ASIC2: variants seen among roughly 807,000 people sequenced by gnomAD.
ASIC2 encodes the protein acid sensing ion channel subunit 2, also known as acid-sensing ion channel 2.
ASIC2 carries 25 observed loss-of-function variants against 57.3 expected under a neutral mutation model. The observed-to-expected ratio is 0.44, with a 90% CI of 0.32 to 0.61. ASIC2 has a LOEUF of 0.61. Ranked by LOEUF, ASIC2 falls within the 20% of genes least tolerant of loss-of-function variation. The probability of loss-of-function intolerance (pLI) is 0.06; values close to 1 mark genes in which losing one functional copy is unlikely to be tolerated. For synonymous variants in ASIC2, 319 were observed against 307.5 expected, an observed-to-expected ratio of 1.04 and a Z score of -0.39; for missense variants, 641 against 738.1, an observed-to-expected ratio of 0.87 and a Z score of 1.52.
intron 1 of ASIC2, among the ~76,000 whole-genome samples, chr17:33,344,078 A>G (rs1173329956): frequency 6.6e-6 from 1 of 152,190 alleles, no homozygotes; most frequent in Non-Finnish European, 1.5e-5. Flanking sequence ...TTAGCACAAC[A>G]TGGCGTCAAA....
intron 1 of ASIC2, among the ~76,000 whole-genome samples, chr17:33,956,034 T>C (rs1353360161): frequency 1.3e-5 from 2 of 152,112 alleles, no homozygotes; most frequent in Non-Finnish European, 2.9e-5. Context: ...TAATATAATA[T>C]AATGAGTGAT....
intron 1 of ASIC2, among the ~76,000 whole-genome samples, chr17:33,164,685 C>T (rs1905258550): frequency 6.6e-6 from 1 of 152,186 alleles, no homozygotes; most frequent in Non-Finnish European, 1.5e-5. Flanking sequence ...CAGCTATGTC[C>T]TGTAATTGAG....
At chr17:34,078,955 A>T (rs1480650891) in intron 1 of ASIC2, 1 of 152,238 alleles carries the variant, frequency 6.6e-6, no homozygotes, top group East Asian at 1.9e-4. Flanking sequence ...CCAGAGCTGG[A>T]GAAGGCTGGA....
intron 1 of ASIC2, among the ~76,000 whole-genome samples, chr17:33,220,434 C>A (rs748740490): frequency 6.6e-6 from 1 of 152,168 alleles, no homozygotes; most frequent in Non-Finnish European, 1.5e-5. Flanking sequence ...TCCCCATTGA[C>A]GTGGTTTCCC....
intron 1 of ASIC2, among the ~76,000 whole-genome samples, chr17:33,599,690 CACAA>C (rs1905077071): frequency 6.6e-6 from 1 of 152,168 alleles, no homozygotes; most frequent in African/African-American, 2.4e-5. Flanking sequence ...TTCCCAGCAT[CACAA>C]ACAGAGCAGT....
At chr17:33,309,976 T>C (rs1906340825) in intron 1 of ASIC2, among the ~76,000 whole-genome samples, 1 of 149,080 alleles carries the variant, frequency 6.7e-6, no homozygotes, top group South Asian at 2.3e-4. Context: ...AGATGATGTA[T>C]TTATCAGTCA....
intron 1 of ASIC2, among the ~76,000 whole-genome samples, chr17:33,702,281 T>TA (rs1289759631): frequency 6.6e-6 from 1 of 152,164 alleles, no homozygotes; most frequent in African/African-American, 2.4e-5. Context: ...CAGTCGTAGT[T>TA]AGTTTCTTTC....
intron 1 of ASIC2, among the ~76,000 whole-genome samples, chr17:33,800,580 G>T (rs1425598848): frequency 1.3e-5 from 2 of 152,028 alleles, no homozygotes; most frequent in Non-Finnish European, 2.9e-5. Context: ...ATAATCAAGG[G>T]GTAGTTGTTA....
intron 1 of ASIC2, among the ~76,000 whole-genome samples, chr17:33,737,199 G>C (rs902523832): frequency 1.3e-5 from 2 of 152,212 alleles, no homozygotes; most frequent in African/African-American, 2.4e-5. Flanking sequence ...GTTTTTATGG[G>C]GTAGGTTACT....
intron 1 of ASIC2, among the ~76,000 whole-genome samples, chr17:33,868,187 GTGTGTGTA>G (rs199807278): frequency 1.5e-4 from 11 of 71,716 alleles, no homozygotes; most frequent in East Asian, 2.0e-3. Flanking sequence ...ATGTATGTGT[GTGTGTGTA>G]TGTGTGTGTG....
In ASIC2 at chr17:34,096,117, G is replaced by A. The variant is rs554879089; in HGVS notation, c.555+59861C>T. On this transcript the variant is annotated intron_variant, in intron 1 of 9. Coordinates refer to the ASIC2 transcript ENST00000359872. Reference sequence around the variant, plus strand: ...GACAAATATTTATCCAGTAATGATTGTGCCTCGGGCATAGTACCAGGCACT... The same window carrying A: ...GACAAATATTTATCCAGTAATGATTATGCCTCGGGCATAGTACCAGGCACT... 2.3e-3 allele frequency among the ~76,000 whole-genome samples: 344 copies of A among 152,254 alleles called. 2 individuals are homozygous for A. Among genetic ancestry groups the A allele is most frequent in the African/African-American group, 7.8e-3 (326 of 41,544 alleles).
At chr17:33,665,626 G>A (rs1233521514) in intron 1 of ASIC2, among the ~76,000 whole-genome samples, 2 of 152,226 alleles carry the variant, frequency 1.3e-5, no homozygotes, top group African/African-American at 4.8e-5. Context: ...TGTTGCTTAA[G>A]TGTGCTCTCA....
At chr17:33,918,832 C>T (rs985219768) in intron 1 of ASIC2, among the ~76,000 whole-genome samples, 4 of 152,184 alleles carry the variant, frequency 2.6e-5, no homozygotes, top group Admixed American at 6.5e-5. Flanking sequence ...CATGTAAACT[C>T]TCAATGCTAC....
At chr17:33,079,605 T>A (rs1050231175) in intron 3 of ASIC2, among the ~76,000 whole-genome samples, 1 of 151,758 alleles carries the variant, frequency 6.6e-6, no homozygotes, top group African/African-American at 2.4e-5. Context: ...TTGCAGAGAA[T>A]GGGTTGGGGA....
chr17:33,736,322 C>T (rs1909910029), intron 1 of ASIC2, among the ~76,000 whole-genome samples: 1 of 151,918 alleles, frequency 6.6e-6, no homozygotes, highest in Non-Finnish European at 1.5e-5. Context: ...AAAAGCTCAG[C>T]CTGCTAATAA....
At chr17:33,631,267 A>T (rs183627308) in intron 1 of ASIC2, among the ~76,000 whole-genome samples, 1 of 150,952 alleles carries the variant, frequency 6.6e-6, no homozygotes, top group Admixed American at 6.6e-5. Context: ...TGTTTTCTGT[A>T]GTTATTTCGT....
chr17:33,738,367 A>G (rs1228280222), intron 1 of ASIC2, among the ~76,000 whole-genome samples: 1 of 151,900 alleles, frequency 6.6e-6, no homozygotes, highest in Non-Finnish European at 1.5e-5. Context: ...ATCCCCTTTT[A>G]TTTTCATATG....
At chr17:33,846,174 G>A (rs1040301006) in intron 1 of ASIC2, among the ~76,000 whole-genome samples, 2 of 152,174 alleles carry the variant, frequency 1.3e-5, no homozygotes, top group Non-Finnish European at 2.9e-5. Context: ...CAGGCTTTCT[G>A]GACATGCTAT....
intron 3 of ASIC2, among the ~76,000 whole-genome samples, chr17:33,075,969 T>A (rs1182493625): frequency 6.6e-6 from 1 of 152,104 alleles, no homozygotes; most frequent in Non-Finnish European, 1.5e-5. Flanking sequence ...CGGCTGTCAA[T>A]CTAATGCAAC....
Sources: allele counts gnomAD v4.1 joint callset (sites outside exome capture counted in the v4.1 genomes callset), GRCh38; gene constraint gnomAD v4.1.1; transcripts MANE v1.5; gene names NCBI Gene and HGNC (gene_info 2026-07-23, HGNC 2026-07-21).